Variants in PARD6B observed in about 807,000 individuals in gnomAD.
PARD6B encodes the protein partitioning defective 6 homolog beta.
Under a neutral mutation model 10.5 loss-of-function variants are expected in PARD6B, and 4 were observed. The ratio of observed to expected loss-of-function variants is 0.38; its 90% confidence interval spans 0.19 to 0.87. PARD6B has a LOEUF of 0.87. Ranked by LOEUF, PARD6B falls within the 40% of genes least tolerant of loss-of-function variation. The probability of loss-of-function intolerance (pLI) is 0.41; values close to 1 mark genes in which losing one functional copy is unlikely to be tolerated. For synonymous variants in PARD6B, 169 were observed against 170.4 expected (o/e 0.99, Z 0.07); for missense variants, 396 against 470.6 (o/e 0.84, Z 1.47).
chr20:50,752,261 A>AT lies in PARD6B; in HGVS notation c.*1777dup. On this transcript the variant is annotated 3_prime_UTR_variant, in exon 3 of 3. Coordinates refer to ENST00000371610, the MANE Select transcript of PARD6B (RefSeq NM_032521.3). ...CTTTTAATGCATCCAAGTATGCATCATTTTGGATAAAAAATACATCCAAAT... is the reference window on the plus strand; with the variant it reads ...CTTTTAATGCATCCAAGTATGCATCATTTTTGGATAAAAAATACATCCAAAT... 1 of 985,684 alleles carries AT rather than the reference A, an allele frequency of 1.0e-6. No individual in the cohort carries two copies. Among genetic ancestry groups the AT allele is most frequent in the South Asian group, 4.7e-5 (1 of 21,274 alleles). 61.1% of individuals were successfully genotyped at this position (985,684 alleles called of 1,614,324 possible).
Position 50,747,489 on chromosome 20 carries a change from C to CTTTTTTTTTTTTTTTTTTTTTTTTTTT in PARD6B, c.290-2147_290-2146insTTTTTTTTTTTTTTTTTTTTTTTTTTT, listed in dbSNP as rs58629233. 1.9e-3 allele frequency among the ~76,000 whole-genome samples: 65 copies of CTTTTTTTTTTTTTTTTTTTTTTTTTTT among 33,358 alleles called. 1 individual carries two copies. The highest frequency in any genetic ancestry group is 2.8e-3 in the East Asian group (2 of 724). The allele number at this position is 33,358 out of a possible 152,430, so 21.9% of individuals were successfully genotyped here. A position where few individuals can be genotyped will look rare whatever the true frequency, so the allele number is the denominator to read the frequency against. On this transcript the variant is annotated intron_variant, in intron 2 of 2. Transcript: ENST00000371610. Reference sequence around the variant, plus strand: ...TTTCTTTTTCTTTTTTTCTTTCTTTCTTTTTTTTTTTTTTTTTTTTTTTGC... The same window carrying CTTTTTTTTTTTTTTTTTTTTTTTTTTT: ...TTTCTTTTTCTTTTTTTCTTTCTTTCTTTTTTTTTTTTTTTTTTTTTTTTTTTTTTTTTTTTTTTTTTTTTTTTTTGC...
chr20:50,746,280 C>G (rs1474563429), intron 2 of PARD6B, among the ~76,000 whole-genome samples: 1 of 152,096 alleles, frequency 6.6e-6, no homozygotes, highest in Non-Finnish European at 1.5e-5. Flanking sequence ...TGAAGAACAG[C>G]CACTATTTGT....
intron 2 of PARD6B, among the ~76,000 whole-genome samples, chr20:50,739,460 A>T (rs974656865): frequency 2.0e-5 from 3 of 152,082 alleles, no homozygotes; most frequent in Non-Finnish European, 4.4e-5. Context: ...TTGAAAAGAA[A>T]GTAGCTTGAG....
At chr20:50,737,785 G>A (rs1323235552) in intron 1 of PARD6B, 72 bp from the exon 2 acceptor site, 6 of 975,856 alleles carry the variant, frequency 6.1e-6, no homozygotes, top group Non-Finnish European at 8.7e-6. Context: ...ATTTTTCTAT[G>A]GCATGCATTT....
chr20:50,733,943 C>A lies in PARD6B; in HGVS notation c.66+2091C>A, dbSNP rs528303937. Among the ~76,000 whole-genome samples, 110 of 152,292 alleles carry A rather than the reference C, an allele frequency of 7.2e-4. 1 individual carries two copies. The highest frequency in any genetic ancestry group is 2.6e-3 in the African/African-American group (106 of 41,564). On this transcript the variant is annotated intron_variant, in intron 1 of 2. Coordinates refer to ENST00000371610, the MANE Select transcript of PARD6B (RefSeq NM_032521.3). ...GGAATTTCAGGCTTTTTGCCTTTCT[C>A]TTGTCAACTGATTTGTGAATCTTTC... is the stretch of plus-strand genomic sequence containing the variant.
intron 2 of PARD6B, 70 bp from the exon 3 acceptor site, chr20:50,749,589 C>T: frequency 1.5e-6 from 2 of 1,293,578 alleles, no homozygotes; most frequent in Non-Finnish European, 1.1e-6. Flanking sequence ...CCTTTCTGTA[C>T]AGATTCAGCT....
Position 50,753,124 on chromosome 20 carries a change from T to C in PARD6B, c.*2636T>C, listed in dbSNP as rs374046264. 2 of 984,802 alleles carry C rather than the reference T, an allele frequency of 2.0e-6. No individual in the cohort carries two copies. Among genetic ancestry groups the C allele is most frequent in the African/African-American group, 3.5e-5 (2 of 57,214 alleles). The allele number at this position is 984,802 out of a possible 1,614,324, so 61.0% of individuals were successfully genotyped here. A position where few individuals can be genotyped will look rare whatever the true frequency, so the allele number is the denominator to read the frequency against. ...TCAGAACTTTTGGGGGAAAAACTAC[T>C]TCAGGGCTTGACTTTTTGTACAAAT... On this transcript the variant is annotated 3_prime_UTR_variant, in exon 3 of 3. Coordinates refer to ENST00000371610, the MANE Select transcript of PARD6B (RefSeq NM_032521.3).
chr20:50,750,899 G>A lies in PARD6B; in HGVS notation c.*411G>A, dbSNP rs2087601690. On this transcript the variant is annotated 3_prime_UTR_variant, in exon 3 of 3. Coordinates refer to ENST00000371610, the MANE Select transcript of PARD6B (RefSeq NM_032521.3). ...AATGTGAAGTCTGATTCTCTCTTGTGGTACATTGGGGACCTCAGCTCTTAA... is the reference window on the plus strand; with the variant it reads ...AATGTGAAGTCTGATTCTCTCTTGTAGTACATTGGGGACCTCAGCTCTTAA... 3.1e-6 allele frequency: 3 copies of A among 981,072 alleles called. No homozygotes were observed. Among genetic ancestry groups the A allele is most frequent in the African/African-American group, 1.8e-5 (1 of 55,882 alleles). The allele number at this position is 981,072 out of a possible 1,614,324, so 60.8% of individuals were successfully genotyped here.
At chr20:50,744,702 C>G (rs1348225590) in intron 2 of PARD6B, among the ~76,000 whole-genome samples, 2 of 141,792 alleles carry the variant, frequency 1.4e-5, no homozygotes, top group African/African-American at 5.1e-5. Context: ...CTTTGTCTGG[C>G]CCTCCCTCTT....
In PARD6B at chr20:50,751,636, G is replaced by A. The variant is rs75343091; in HGVS notation, c.*1148G>A. The A allele has an allele frequency of 4.1e-5, 40 of 984,790 alleles. No individual in the cohort carries two copies. In the East Asian group the frequency reaches 3.9e-3, roughly 96 times the overall value. 61.0% of individuals were successfully genotyped at this position (984,790 alleles called of 1,614,324 possible). On this transcript the variant is annotated 3_prime_UTR_variant, in exon 3 of 3. Transcript: ENST00000371610. ...GCTGGGATTACAGGCGTGAGCCACC[G>A]CGCCCAGTTGTGCATTTCTGGTTTC...
At chr20:50,739,799 C>T (rs990786879) in intron 2 of PARD6B, among the ~76,000 whole-genome samples, 11 of 97,624 alleles carry the variant, frequency 1.1e-4, no homozygotes, top group African/African-American at 4.0e-4. Flanking sequence ...GAGTGGGCAG[C>T]AGTCTTACAG....
At chr20:50,745,411 CAA>C (rs11484143) in intron 2 of PARD6B, among the ~76,000 whole-genome samples, 61 of 117,272 alleles carry the variant, frequency 5.2e-4, no homozygotes, top group African/African-American at 1.2e-3. Context: ...AACTCCGTCT[CAA>C]AAAAAAAAAA....
At position 50,750,616 on chromosome 20, in the gene PARD6B, C is replaced by A; in HGVS notation, c.*128C>A. On this transcript the variant is annotated 3_prime_UTR_variant, in exon 3 of 3. Coordinates refer to ENST00000371610, the MANE Select transcript of PARD6B (RefSeq NM_032521.3). Reference sequence around the variant, plus strand: ...TGAGACGAGTAACGTTGCAAGCTTACAATATTATTAAAGTAGTAGTTTGAT... The same window carrying A: ...TGAGACGAGTAACGTTGCAAGCTTAAAATATTATTAAAGTAGTAGTTTGAT... 7.0e-7 allele frequency: 1 copy of A among 1,426,388 alleles called. No homozygotes were observed. The highest frequency in any genetic ancestry group is 1.6e-5 in the South Asian group (1 of 64,252). The allele number at this position is 1,426,388 out of a possible 1,614,324, so 88.4% of individuals were successfully genotyped here. A position where few individuals can be genotyped will look rare whatever the true frequency, so the allele number is the denominator to read the frequency against.
At chr20:50,742,568 G>C (rs990540746) in intron 2 of PARD6B, among the ~76,000 whole-genome samples, 1 of 151,556 alleles carries the variant, frequency 6.6e-6, no homozygotes, top group Admixed American at 6.6e-5. Flanking sequence ...GTTTCACGAC[G>C]TTAGCCAGGC....
chr20:50,738,135 C>A, intron 2 of PARD6B, 56 bp downstream of exon 2: 1 of 1,320,950 alleles, frequency 7.6e-7, no homozygotes. Context: ...GTATTTTCCC[C>A]ACTGAAAGGA....
chr20:50,740,023 G>A (rs997572871), intron 2 of PARD6B, among the ~76,000 whole-genome samples: 2 of 89,368 alleles, frequency 2.2e-5, no homozygotes, highest in South Asian at 3.8e-4. Context: ...TCATGAACAA[G>A]CAGAGTAGAT....
intron 1 of PARD6B, among the ~76,000 whole-genome samples, chr20:50,735,837 G>C (rs1441601691): frequency 6.6e-6 from 1 of 152,222 alleles, no homozygotes. Context: ...ATGATCAGAT[G>C]TTATTCCCAT....
At chr20:50,734,869 G>A (rs2087491391) in intron 1 of PARD6B, among the ~76,000 whole-genome samples, 1 of 152,076 alleles carries the variant, frequency 6.6e-6, no homozygotes, top group Non-Finnish European at 1.5e-5. Context: ...AGTAATGTTG[G>A]CCAGGCATGG....
Position 50,731,793 on chromosome 20 carries a change from C to T in PARD6B, c.7C>T (p.Arg3Cys), listed in dbSNP as rs994816667. 8 of 1,462,446 alleles carry T rather than the reference C, an allele frequency of 5.5e-6. No homozygotes were observed. The highest frequency in any genetic ancestry group is 7.2e-6 in the Non-Finnish European group (8 of 1,113,178). 90.6% of individuals were successfully genotyped at this position (1,462,446 alleles called of 1,614,324 possible). A position where few individuals can be genotyped will look rare whatever the true frequency, so the allele number is the denominator to read the frequency against. Residue 3 changes from arginine (R) to cysteine (C), a missense_variant, in exon 1 of 3, where the codon CGC becomes TGC. By Grantham distance (180) the Arg-to-Cys change is radical. Around this residue, in one of 2 missense-constraint regions of PARD6B, gnomAD observed 208 missense variants for 300.9 expected, o/e 0.69. Coordinates refer to ENST00000371610, the MANE Select transcript of PARD6B (RefSeq NM_032521.3). Reference protein sequence around the residue: MNRSHRHGAGSGC... With the variant: MNCSHRHGAGSGC... The stretch of plus-strand genomic sequence containing the variant: ...GCGGGGCTCGGCGTTCAGCATGAAC[C>T]GCAGCCACCGGCACGGGGCGGGCAG...
Sources: allele counts gnomAD v4.1 joint callset (sites outside exome capture counted in the v4.1 genomes callset), GRCh38; gene constraint gnomAD v4.1.1; regional missense constraint gnomAD v4.1.1; transcripts MANE v1.5; gene names NCBI Gene and HGNC (gene_info 2026-07-23, HGNC 2026-07-21).